The following NECTIN2 variants were observed in gnomAD, a reference collection of about 807,000 sequenced individuals.
The protein encoded by NECTIN2 is nectin-2.
A neutral mutation model predicts 56.9 loss-of-function variants in NECTIN2; 23 were observed. That is an observed-to-expected ratio of 0.40 (90% confidence interval 0.29 to 0.57). The LOEUF is 0.57. Among genes scored for constraint, NECTIN2 ranks in the 20% least tolerant of loss-of-function variants. The pLI is 0.38. For synonymous variants in NECTIN2, 302 were observed against 313.8 expected, an observed-to-expected ratio of 0.96 and a Z score of 0.40; for missense variants, 587 against 718.3, an observed-to-expected ratio of 0.82 and a Z score of 2.09.
At chr19:44,860,427 C>T (rs1969018766) in intron 1 of NECTIN2, among the ~76,000 whole-genome samples, 2 of 152,060 alleles carry the variant, frequency 1.3e-5, no homozygotes, top group South Asian at 4.1e-4. Flanking sequence ...GTGGGAGGAT[C>T]ACTTCGGCCC....
chr19:44,871,477 A>G (rs1372919489), intron 2 of NECTIN2, among the ~76,000 whole-genome samples: 2 of 152,152 alleles, frequency 1.3e-5, no homozygotes, highest in African/African-American at 4.8e-5. Context: ...GCAGCAAGCT[A>G]TGATCACACC....
At chr19:44,876,095 G>T (rs541201179) in intron 5 of NECTIN2, among the ~76,000 whole-genome samples, 1 of 152,078 alleles carries the variant, frequency 6.6e-6, no homozygotes, top group East Asian at 1.9e-4. Flanking sequence ...GAAACTCCCC[G>T]AAACTCCTCC....
chr19:44,857,355 C>G (rs2122641890), intron 1 of NECTIN2, among the ~76,000 whole-genome samples: 1 of 151,762 alleles, frequency 6.6e-6, no homozygotes, highest in South Asian at 2.1e-4. Flanking sequence ...GATTCTCCTG[C>G]CACAGCCTCC....
At chr19:44,880,422 G>A (rs1599926134) in intron 5 of NECTIN2, among the ~76,000 whole-genome samples, 1 of 151,112 alleles carries the variant, frequency 6.6e-6, no homozygotes, top group South Asian at 2.1e-4. Context: ...CAAGGAAGGA[G>A]AGGCCCAGGA....
chr19:44,859,656 T>G (rs747552452), intron 1 of NECTIN2, among the ~76,000 whole-genome samples: 2 of 152,076 alleles, frequency 1.3e-5, no homozygotes, highest in Non-Finnish European at 2.9e-5. Context: ...AACTCTGGTC[T>G]CTACTAAAAA....
chr19:44,885,972 CA>C lies in NECTIN2; in HGVS notation c.1236del (p.Ala413ArgfsTer82). The C allele has an allele frequency of 1.9e-6, 3 of 1,604,490 alleles. No individual in the cohort carries two copies. The highest frequency in any genetic ancestry group is 2.2e-5 in the East Asian group (1 of 44,838). On this transcript the variant is annotated frameshift_variant, in exon 7 of 9. Transcript: ENST00000252483. LOFTEE classifies it high-confidence loss of function. ...CCTCCCTCCTACAAGCCACCGACCC[CA>C]AAAGCGAAGCTGGAGGCACAGGAGA... ...EGPPSYKPPT[P>X]KAKLEAQEMP...
intron 8 of NECTIN2, among the ~76,000 whole-genome samples, chr19:44,886,630 A>G (rs991089426): frequency 4.6e-5 from 7 of 152,114 alleles, no homozygotes; most frequent in Non-Finnish European, 8.8e-5. Flanking sequence ...GCTGAGGAGG[A>G]AGAATCGCCT....
intron 1 of NECTIN2, among the ~76,000 whole-genome samples, chr19:44,856,874 C>T (rs1209360305): frequency 6.6e-6 from 1 of 152,220 alleles, no homozygotes; most frequent in African/African-American, 2.4e-5. Context: ...TGAAATAACA[C>T]TCTGTGGGCC....
chr19:44,878,068 C>T (rs1353151612), intron 5 of NECTIN2, among the ~76,000 whole-genome samples: 1 of 150,946 alleles, frequency 6.6e-6, no homozygotes, highest in African/African-American at 2.4e-5. Flanking sequence ...CTCCTCCATT[C>T]TTCTGCCCAG....
At chr19:44,868,448 T>TTTTTC (rs1555786699) in intron 2 of NECTIN2, among the ~76,000 whole-genome samples, 3 of 144,548 alleles carry the variant, frequency 2.1e-5, no homozygotes, top group East Asian at 2.1e-4. Context: ...AAGGATGCTT[T>TTTTTC]TTTTTCTTTT....
At chr19:44,862,550 G>A (rs181613385) in intron 1 of NECTIN2, among the ~76,000 whole-genome samples, 138 of 152,010 alleles carry the variant, frequency 9.1e-4, no homozygotes, top group African/African-American at 3.3e-3. Context: ...CATGTCTTTT[G>A]CACCAACACG....
At chr19:44,878,664 C>T (rs1324982754) in intron 5 of NECTIN2, 15 of 1,544,560 alleles carry the variant, frequency 9.7e-6, no homozygotes, top group African/African-American at 1.4e-5. Flanking sequence ...CCCTCCCGCC[C>T]CCGACCTGAC....
chr19:44,878,089 T>C, intron 5 of NECTIN2: 1 of 447,834 alleles, frequency 2.2e-6, no homozygotes, highest in South Asian at 2.7e-5. Flanking sequence ...AGTCACCCCC[T>C]CATTCTGGTC....
At chr19:44,848,033 G>A (rs769902802) in intron 1 of NECTIN2, among the ~76,000 whole-genome samples, 3 of 152,182 alleles carry the variant, frequency 2.0e-5, no homozygotes, top group Non-Finnish European at 4.4e-5. Context: ...GGATGCTAGA[G>A]TTTCCCGAGG....
chr19:44,854,827 T>G (rs1332744464), intron 1 of NECTIN2, among the ~76,000 whole-genome samples: 1 of 148,104 alleles, frequency 6.8e-6, no homozygotes, highest in Non-Finnish European at 1.5e-5. Flanking sequence ...AAAATTTTTT[T>G]AAAAAGAACT....
chr19:44,860,983 G>A (rs1001442012), intron 1 of NECTIN2, among the ~76,000 whole-genome samples: 3 of 150,474 alleles, frequency 2.0e-5, no homozygotes, highest in Non-Finnish European at 4.4e-5. Context: ...CGTAAAAAAT[G>A]AGCAAAGGAC....
At chr19:44,881,845 G>A (rs78754926) in intron 5 of NECTIN2, among the ~76,000 whole-genome samples, 6,399 of 152,128 alleles carry the variant, frequency 0.042, 252 homozygotes, top group Admixed American at 0.11. Flanking sequence ...CACTACCTTC[G>A]GGGACCCCAC....
intron 2 of NECTIN2, among the ~76,000 whole-genome samples, chr19:44,867,021 AT>A (rs892400871): frequency 0.011 from 1,676 of 146,664 alleles, 25 homozygotes; most frequent in African/African-American, 0.036. Flanking sequence ...GACAAAAAAA[AT>A]TTTTTTTTTT....
chr19:44,862,575 C>A (rs976385637), intron 1 of NECTIN2, among the ~76,000 whole-genome samples: 5 of 152,140 alleles, frequency 3.3e-5, no homozygotes, highest in Non-Finnish European at 7.4e-5. Flanking sequence ...GAACTGGAGG[C>A]CATTATCCTG....
Sources: gnomAD v4.1 joint callset for allele counts (sites outside exome capture counted in the v4.1 genomes callset) on GRCh38, gnomAD v4.1.1 for gene constraint, MANE v1.5 for transcripts, NCBI Gene and HGNC (gene_info 2026-07-23, HGNC 2026-07-21) for gene names.